Variants in AIRE observed in about 807,000 individuals in gnomAD.
AIRE encodes autoimmune polyendocrinopathy candidiasis ectodermal dystrophy protein.
Under a neutral mutation model 62.1 loss-of-function variants are expected in AIRE, and 52 were observed. The observed-to-expected ratio is 0.84, with a 90% CI of 0.67 to 1.06. The LOEUF (loss-of-function observed/expected upper bound fraction) is 1.06, where lower values mean the gene tolerates loss of function less well. Among genes scored for constraint, AIRE ranks in the 50% least tolerant of loss-of-function variants. The pLI is 0.00. For missense variants in AIRE, 774 were observed against 755.8 expected, an observed-to-expected ratio of 1.02 and a Z score of -0.28; for synonymous variants, 342 against 321.6, an observed-to-expected ratio of 1.06 and a Z score of -0.68.
At position 44,297,386 on chromosome 21, in the gene AIRE, G is replaced by A. The variant is rs919861151; in HGVS notation, c.1567-270G>A. On this transcript the variant is annotated intron_variant, in intron 13 of 13. Transcript: ENST00000291582. This position sits in a 1 kb window ranked among gnomAD's most constrained non-coding sequence, Gnocchi z 4.8. Reference sequence around the variant, plus strand: ...ATGGGGATGTGCCCTGGGCTTATAGGATGTGGTGAAGTACACAGGACAGGG... The same window carrying A: ...ATGGGGATGTGCCCTGGGCTTATAGAATGTGGTGAAGTACACAGGACAGGG... 6.6e-6 allele frequency among the ~76,000 whole-genome samples: 1 copy of A among 151,998 alleles called. No homozygotes were observed. The highest frequency in any genetic ancestry group is 1.9e-4 in the East Asian group (1 of 5,176).
At position 44,297,722 on chromosome 21, in the gene AIRE, T is replaced by C; in HGVS notation, c.1633T>C (p.Ser545Pro). 6.2e-7 allele frequency: 1 copy of C among 1,610,838 alleles called. No individual in the cohort carries two copies. Among genetic ancestry groups the C allele is most frequent in the South Asian group, 1.1e-5 (1 of 91,054 alleles). The change falls in exon 14 of 14, where the codon TCC (serine) becomes CCC (proline). Residue 545 changes from serine to proline, a missense_variant. This residue lies in a region of AIRE where 354 missense variants were observed against 296.1 expected (regional missense o/e 1.20). Coordinates refer to ENST00000291582, the MANE Select transcript of AIRE (RefSeq NM_000383.4). This position sits in a 1 kb window ranked among gnomAD's most constrained non-coding sequence, Gnocchi z 4.8. ...GGCCCGTCCGGCGGCCCCCTTCCCC[T>C]CCTGACCCCAGATGGCCGGGACATG... ...SMARPAAPFPS is the reference protein window; with the variant it reads ...SMARPAAPFPP
At chr21:44,290,355 G>A (rs187156604) in intron 7 of AIRE, 1 of 985,442 alleles carries the variant, frequency 1.0e-6, no homozygotes, top group African/African-American at 1.7e-5. Flanking sequence ...GGGTGGGCCG[G>A]GCGCCCCTGC....
chr21:44,287,269 C>T lies in AIRE; in HGVS notation c.463+136C>T. 9.2e-7 allele frequency: 1 copy of T among 1,086,498 alleles called. No individual in the cohort carries two copies. The highest frequency in any genetic ancestry group is 1.4e-5 in the South Asian group (1 of 70,188). 67.3% of individuals were successfully genotyped at this position (1,086,498 alleles called of 1,614,324 possible). A position where few individuals can be genotyped will look rare whatever the true frequency, so the allele number is the denominator to read the frequency against. ...CTGCCTGGGGCTGTGGGGGTCTCCT[C>T]TGGGTACTAGACCCACACACTGGAC... On this transcript the variant is annotated intron_variant, in intron 3 of 13. Coordinates refer to ENST00000291582, the MANE Select transcript of AIRE (RefSeq NM_000383.4). The surrounding 1 kb of genome is among the most constrained non-coding windows in gnomAD (Gnocchi z 4.3).
Position 44,287,445 on chromosome 21 carries a change from G to A in AIRE, c.464-72G>A, listed in dbSNP as rs1311910394. The A allele has an allele frequency of 9.9e-6, 11 of 1,113,842 alleles. 1 individual carries two copies. Among genetic ancestry groups the A allele is most frequent in the South Asian group, 6.7e-5 (5 of 74,576 alleles). 69.0% of individuals were successfully genotyped at this position (1,113,842 alleles called of 1,614,324 possible). A position where few individuals can be genotyped will look rare whatever the true frequency, so the allele number is the denominator to read the frequency against. On this transcript the variant is annotated intron_variant, in intron 3 of 13. Transcript: ENST00000291582. The surrounding 1 kb of genome is among the most constrained non-coding windows in gnomAD (Gnocchi z 4.3). ...ACCGCCCCCTCCACGCCCTCCCACC[G>A]CGGGCCCCTGCCCACCGGCACTCAC...
rs1328519080 is a variant in AIRE at position 44,285,965 on chromosome 21, C to T, written c.-42C>T. 1.3e-6 allele frequency: 2 copies of T among 1,516,014 alleles called. No individual in the cohort carries two copies. Among genetic ancestry groups the T allele is most frequent in the African/African-American group, 1.4e-5 (1 of 71,032 alleles). 93.9% of individuals were successfully genotyped at this position (1,516,014 alleles called of 1,614,324 possible). On this transcript the variant is annotated 5_prime_UTR_variant, in exon 1 of 14. Transcript: ENST00000291582. ...GCGAGGGGCTGCCAGTGTCCCGGGA[C>T]CCACCGCGTCCGCCCCAGCCCCGGG...
At chr21:44,293,322 G>C in intron 10 of AIRE, 147 bp downstream of exon 10, 1 of 701,268 alleles carries the variant, frequency 1.4e-6, no homozygotes, top group Non-Finnish European at 2.3e-6. Context: ...GGGAGCGTGG[G>C]GGGCTGCGGG....
rs1057516985 is a variant in AIRE, at chr21:44,296,447, T to A, written c.1566+2T>A. The stretch of plus-strand genomic sequence containing the variant: ...GACCTGGAGTCCCTTCTGAGCGAGG[T>A]AACGCCTCCCCTGGCCTCCTGGTGC... On this transcript the variant is annotated splice_donor_variant, in intron 13 of 13. Transcript: ENST00000291582. LOFTEE classifies it high-confidence loss of function. 1.2e-6 allele frequency: 2 copies of A among 1,611,808 alleles called. No individual in the cohort carries two copies. Among genetic ancestry groups the A allele is most frequent in the Non-Finnish European group, 1.7e-6 (2 of 1,179,394 alleles).
chr21:44,288,609 T>TGGA, intron 5 of AIRE, 151 bp downstream of exon 5: 1 of 635,278 alleles, frequency 1.6e-6, no homozygotes, highest in East Asian at 2.8e-5. Context: ...CTGCTGACTT[T>TGGA]GGAGGAGGAG....
In AIRE at chr21:44,286,674, G is replaced by A. The variant is rs1171712520; in HGVS notation, c.250G>A (p.Asp84Asn). ...ILDFWRVLFK[D>N]YNLERYGRLQ... ...GGACTTCTGGAGGGTGCTGTTCAAG[G>A]ACTACAACCTGGAGCGCTATGGCCG... Residue 84 changes from aspartate to asparagine, a missense_variant, in exon 2 of 14, where the codon GAC becomes AAC. By Grantham distance (23) the Asp-to-Asn change is conservative. Transcript: ENST00000291582. This position sits in a 1 kb window ranked among gnomAD's most constrained non-coding sequence, Gnocchi z 6.0. 1.2e-6 allele frequency: 2 copies of A among 1,613,064 alleles called. No homozygotes were observed. The highest frequency in any genetic ancestry group is 1.1e-5 in the South Asian group (1 of 91,076).
chr21:44,289,718 C>T lies in AIRE; in HGVS notation c.714C>T (p.Asp238=). The T allele has an allele frequency of 6.2e-7, 1 of 1,612,848 alleles. No homozygotes were observed. Among genetic ancestry groups the T allele is most frequent in the Non-Finnish European group, 8.5e-7 (1 of 1,179,992 alleles). The change falls in exon 6 of 14, where the codon GAC becomes GAT. Residue 238 remains aspartate, a synonymous_variant. Coordinates refer to ENST00000291582, the MANE Select transcript of AIRE (RefSeq NM_000383.4). ...GEFYTPSKFE[D]SGSGKNKARS... ...TCTACACTCCCAGCAAGTTCGAAGACTCCGGCAGTGGGAAGAACAAGGCCC... is the reference window on the plus strand; with the variant it reads ...TCTACACTCCCAGCAAGTTCGAAGATTCCGGCAGTGGGAAGAACAAGGCCC...
At position 44,296,455 on chromosome 21, in the gene AIRE, C is replaced by A. The variant is rs775784133; in HGVS notation, c.1566+10C>A. ...GTCCCTTCTGAGCGAGGTAACGCCTCCCCTGGCCTCCTGGTGCTCCTCCAC... is the reference window on the plus strand; with the variant it reads ...GTCCCTTCTGAGCGAGGTAACGCCTACCCTGGCCTCCTGGTGCTCCTCCAC... On this transcript the variant is annotated intron_variant, in intron 13 of 13. Coordinates refer to ENST00000291582, the MANE Select transcript of AIRE (RefSeq NM_000383.4). 1 of 1,610,730 alleles carries A rather than the reference C, an allele frequency of 6.2e-7. No individual in the cohort carries two copies. Among genetic ancestry groups the A allele is most frequent in the Non-Finnish European group, 8.5e-7 (1 of 1,178,226 alleles).
Position 44,293,921 on chromosome 21 carries a change from G to C in AIRE, c.1400+11G>C. On this transcript the variant is annotated intron_variant, in intron 11 of 13. Coordinates refer to ENST00000291582, the MANE Select transcript of AIRE (RefSeq NM_000383.4). ...CACCTCCCGGCCCGGGTGAGTGAGC[G>C]TGGTCGGCGGGGAGGCCTGAACCCA... 1 of 1,596,082 alleles carries C rather than the reference G, an allele frequency of 6.3e-7. No individual in the cohort carries two copies. The highest frequency in any genetic ancestry group is 8.5e-7 in the Non-Finnish European group (1 of 1,179,324).
Position 44,287,064 on chromosome 21 carries a change from A to G in AIRE, c.394A>G (p.Arg132Gly). The G allele has an allele frequency of 6.2e-7, 1 of 1,612,644 alleles. No individual in the cohort carries two copies. The highest frequency in any genetic ancestry group is 8.5e-7 in the Non-Finnish European group (1 of 1,179,944). ...ACCGCCACCCAGACTCCCCACCAAG[A>G]GGAAGGCCTCAGAAGAGGCTCGAGC... Reference protein sequence around the residue: ...LVPPPRLPTKRKASEEARAAA... With the variant: ...LVPPPRLPTKGKASEEARAAA... Residue 132 changes from arginine to glycine, a missense_variant, in exon 3 of 14, where the codon AGG becomes GGG. Arg to Gly is a moderately radical substitution (Grantham distance 125). This residue lies in a region of AIRE where 385 missense variants were observed against 396.0 expected (regional missense o/e 0.97). Coordinates refer to ENST00000291582, the MANE Select transcript of AIRE (RefSeq NM_000383.4). The surrounding 1 kb of genome is among the most constrained non-coding windows in gnomAD (Gnocchi z 4.3).
chr21:44,288,755 C>T, intron 5 of AIRE: 1 of 377,740 alleles, frequency 2.6e-6, no homozygotes, highest in Non-Finnish European at 4.9e-6. Flanking sequence ...CATGGGGTTG[C>T]ATCCTTAGAA....
Position 44,286,013 on chromosome 21 carries a change from A to ACGGACGCGGCGCTACGC in AIRE, c.11_27dup (p.Leu10ThrfsTer8). ...GGGTCCCCGCGCCCACCCCATGGCGACGGACGCGGCGCTACGCCGGCTTCT... is the reference window on the plus strand; with the variant it reads ...GGGTCCCCGCGCCCACCCCATGGCGACGGACGCGGCGCTACGCCGGACGCGGCGCTACGCCGGCTTCT... On this transcript the variant is annotated frameshift_variant, in exon 1 of 14. Coordinates refer to ENST00000291582, the MANE Select transcript of AIRE (RefSeq NM_000383.4). LOFTEE classifies it high-confidence loss of function. This position sits in a 1 kb window ranked among gnomAD's most constrained non-coding sequence, Gnocchi z 6.0. 6.5e-7 allele frequency: 1 copy of ACGGACGCGGCGCTACGC among 1,531,162 alleles called. No individual in the cohort carries two copies. The highest frequency in any genetic ancestry group is 8.7e-7 in the Non-Finnish European group (1 of 1,143,910). The allele number at this position is 1,531,162 out of a possible 1,614,324, so 94.8% of individuals were successfully genotyped here.
Position 44,286,451 on chromosome 21 carries a change from C to G in AIRE, c.133-106C>G. On this transcript the variant is annotated intron_variant, in intron 1 of 13. Coordinates refer to ENST00000291582, the MANE Select transcript of AIRE (RefSeq NM_000383.4). This position sits in a 1 kb window ranked among gnomAD's most constrained non-coding sequence, Gnocchi z 6.0. ...GAGATGGGCGTGGAGCTGTCCAGGTCGCCAGCGCCTCTGCCTGGGAGCTCC... is the reference window on the plus strand; with the variant it reads ...GAGATGGGCGTGGAGCTGTCCAGGTGGCCAGCGCCTCTGCCTGGGAGCTCC... The G allele has an allele frequency of 7.8e-7, 1 of 1,281,886 alleles. No individual in the cohort carries two copies. Among genetic ancestry groups the G allele is most frequent in the East Asian group, 2.4e-5 (1 of 41,982 alleles). 79.4% of individuals were successfully genotyped at this position (1,281,886 alleles called of 1,614,324 possible).
chr21:44,293,720 G>T, intron 10 of AIRE, 69 bp from the exon 11 acceptor site: 1 of 1,590,778 alleles, frequency 6.3e-7, no homozygotes. Flanking sequence ...GAGCGCACAG[G>T]GCTCGGGTTC....
chr21:44,293,226 A>T, intron 10 of AIRE, 51 bp downstream of exon 10: 1 of 1,463,314 alleles, frequency 6.8e-7, no homozygotes. Context: ...CCCAGGACCT[A>T]CGGGGCGGAT....
At position 44,291,112 on chromosome 21, in the gene AIRE, T is replaced by G. The variant is rs751066946; in HGVS notation, c.897T>G (p.Cys299Trp). The change falls in exon 8 of 14, where the codon TGT becomes TGG. Residue 299 changes from cysteine (C) to tryptophan (W), a missense_variant. Around this residue, in one of 3 missense-constraint regions of AIRE, gnomAD observed 35 missense variants for 63.7 expected, o/e 0.55. Transcript: ENST00000291582. ...TGTGCCAGAAGAATGAGGACGAGTG[T>G]GCCGTGTGTCGGGACGGCGGGGAGC... ...PQLHQKNEDE[C>W]AVCRDGGELI... The G allele has an allele frequency of 6.2e-7, 1 of 1,612,756 alleles. No individual in the cohort carries two copies. Among genetic ancestry groups the G allele is most frequent in the African/African-American group, 1.3e-5 (1 of 74,902 alleles).
Sources: gnomAD v4.1 joint callset for allele counts (sites outside exome capture counted in the v4.1 genomes callset) on GRCh38, gnomAD v4.1.1 for gene constraint, gnomAD v4.1.1 regional missense constraint, Gnocchi (gnomAD v3.1) non-coding constraint, MANE v1.5 for transcripts, NCBI Gene and HGNC (gene_info 2026-07-23, HGNC 2026-07-21) for gene names.